WDR76: variants seen among roughly 807,000 people sequenced by gnomAD.
WDR76 encodes WD repeat domain 76, also known as WD repeat-containing protein 76.
A neutral mutation model predicts 70.2 loss-of-function variants in WDR76; 52 were observed. The observed-to-expected ratio is 0.74, with a 90% CI of 0.59 to 0.93. WDR76 has a LOEUF of 0.93. Among genes scored for constraint, WDR76 ranks in the 40% least tolerant of loss-of-function variants. WDR76 has a pLI of 0.00. For missense variants in WDR76, 756 were observed against 760.2 expected (o/e 0.99, Z 0.07); for synonymous variants, 292 against 271.1 (o/e 1.08, Z -0.76).
intron 3 of WDR76, 39 bp from the exon 4 acceptor site, chr15:43,836,122 G>T (rs192487239): frequency 1.1e-5 from 18 of 1,573,850 alleles, no homozygotes; most frequent in Admixed American, 1.8e-5. Context: ...GGTAAGATAC[G>T]TAGTTATAAC....
intron 12 of WDR76, 74 bp from the exon 13 acceptor site, chr15:43,866,054 C>A: frequency 6.5e-7 from 1 of 1,532,332 alleles, no homozygotes; most frequent in Non-Finnish European, 8.8e-7. Context: ...GGAGCAATGC[C>A]GTCTTTACCC....
At chr15:43,846,362 T>C (rs2087788568) in intron 8 of WDR76, among the ~76,000 whole-genome samples, 1 of 148,798 alleles carries the variant, frequency 6.7e-6, no homozygotes, top group East Asian at 1.9e-4. Flanking sequence ...CATAGCTCAC[T>C]GCAGCCTCAA....
At chr15:43,864,368 CCAA>C (rs1220751631) in intron 12 of WDR76, among the ~76,000 whole-genome samples, 1 of 152,130 alleles carries the variant, frequency 6.6e-6, no homozygotes, top group Admixed American at 6.6e-5. Context: ...TACATTTCCA[CCAA>C]CAATGTACAA....
Position 43,860,910 on chromosome 15 carries a change from C to CTTTT in WDR76, c.1563-400_1563-397dup, listed in dbSNP as rs34504509. 3.3e-3 allele frequency among the ~76,000 whole-genome samples: 259 copies of CTTTT among 79,022 alleles called. 44 individuals carry two copies. Among genetic ancestry groups the CTTTT allele is most frequent in the African/African-American group, 0.013 (225 of 17,438 alleles). The allele number at this position is 79,022 out of a possible 152,430, so 51.8% of individuals were successfully genotyped here. ...AGATTTGTTAGCGCCTGATCTTACT[C>CTTTT]TTTTTTTTTTTTTTTTTTTTTTTTT... is the stretch of plus-strand genomic sequence containing the variant. On this transcript the variant is annotated intron_variant, in intron 11 of 12. Coordinates refer to ENST00000263795, the MANE Select transcript of WDR76 (RefSeq NM_024908.4).
intron 8 of WDR76, among the ~76,000 whole-genome samples, chr15:43,849,995 T>C (rs2087836521): frequency 6.6e-6 from 1 of 152,126 alleles, no homozygotes; most frequent in African/African-American, 2.4e-5. Context: ...ATTATAATAA[T>C]TTTTTCTCTT....
chr15:43,849,686 T>G (rs1331196882), intron 8 of WDR76, among the ~76,000 whole-genome samples: 3 of 152,226 alleles, frequency 2.0e-5, no homozygotes, highest in Admixed American at 2.0e-4. Context: ...TACAGGTGTC[T>G]GCCACCACGC....
intron 10 of WDR76, among the ~76,000 whole-genome samples, chr15:43,857,961 CTT>C (rs397854561): frequency 0.018 from 1,681 of 95,558 alleles, 16 homozygotes; most frequent in East Asian, 0.058. Flanking sequence ...AGGGTTCTGT[CTT>C]TTTTTTTTTT....
chr15:43,828,254 A>G lies in WDR76; in HGVS notation c.350A>G (p.His117Arg). 1.2e-6 allele frequency: 2 copies of G among 1,614,232 alleles called. No homozygotes were observed. Among genetic ancestry groups the G allele is most frequent in the Non-Finnish European group, 1.7e-6 (2 of 1,180,038 alleles). ...CTGCAAAATTCATCCTCAGCTGTTC[A>G]TACTGAAAGTAACAAGCTACAACCC... ...STLQNSSSAV[H>R]TESNKLQPKR... Residue 117 changes from histidine (H) to arginine (R), a missense_variant, in exon 2 of 13, where the codon CAT becomes CGT. His to Arg is a conservative substitution (Grantham distance 29). Coordinates refer to ENST00000263795, the MANE Select transcript of WDR76 (RefSeq NM_024908.4).
chr15:43,862,281 T>C (rs919765913), intron 12 of WDR76, among the ~76,000 whole-genome samples: 95 of 145,844 alleles, frequency 6.5e-4, no homozygotes, highest in Admixed American at 1.0e-3. Context: ...AGTTTCTTTT[T>C]TTTTTTTTTT....
At position 43,845,405 on chromosome 15, in the gene WDR76, TATAAA is replaced by T. The variant is rs1445640651; in HGVS notation, c.1032+1353_1032+1357del. Among the ~76,000 whole-genome samples the T allele has an allele frequency of 6.7e-5, 10 of 150,268 alleles. 1 individual carries two copies. The highest frequency in any genetic ancestry group is 1.7e-4 in the African/African-American group (7 of 41,420). On this transcript the variant is annotated intron_variant, in intron 8 of 12. Transcript: ENST00000263795. ...AGGTCATGAATAAGATTAGTGCCCT[TATAAA>T]AGAAACCCAGGAGAGACCACTGTCC...
rs116278974 is a variant in WDR76, at chr15:43,866,417, T to G, written c.*25T>G. The G allele has an allele frequency of 1.7e-5, 28 of 1,610,630 alleles. No individual in the cohort carries two copies. Among genetic ancestry groups the G allele is most frequent in the African/African-American group, 4.0e-5 (3 of 74,804 alleles). Reference sequence around the variant, plus strand: ...AGTTTTTGGTTTAGGAACATCAATTTGTTCAAATTGACCACTGTCTAAGGA... The same window carrying G: ...AGTTTTTGGTTTAGGAACATCAATTGGTTCAAATTGACCACTGTCTAAGGA... On this transcript the variant is annotated 3_prime_UTR_variant, in exon 13 of 13. Transcript: ENST00000263795.
chr15:43,837,343 A>G (rs905656041), intron 4 of WDR76, among the ~76,000 whole-genome samples: 4 of 152,212 alleles, frequency 2.6e-5, no homozygotes, highest in Non-Finnish European at 5.9e-5. Flanking sequence ...AAAAGTTACT[A>G]TAAGAGGAAC....
intron 9 of WDR76, among the ~76,000 whole-genome samples, chr15:43,855,215 C>G (rs902044575): frequency 6.6e-6 from 1 of 152,210 alleles, no homozygotes; most frequent in Non-Finnish European, 1.5e-5. Flanking sequence ...ACTGACTAAA[C>G]AGTTACCTTA....
chr15:43,847,827 G>A (rs748425394), intron 8 of WDR76, among the ~76,000 whole-genome samples: 3 of 152,124 alleles, frequency 2.0e-5, no homozygotes, highest in Admixed American at 2.0e-4. Flanking sequence ...CCAGAGCTGC[G>A]ATTACAGGCG....
rs901017436 is a variant in WDR76, at chr15:43,868,356, G to A, written c.*1964G>A. On this transcript the variant is annotated 3_prime_UTR_variant, in exon 13 of 13. Transcript: ENST00000263795. ...CAATCAAATTAGTACCATCATTTAA[G>A]CTTTGAATACTTGGCAGTAATTGCC... 6.6e-5 allele frequency: 10 copies of A among 152,108 alleles called. No individual in the cohort carries two copies. Among genetic ancestry groups the A allele is most frequent in the African/African-American group, 2.4e-4 (10 of 41,420 alleles). The allele number at this position is 152,108 out of a possible 1,614,324, so 9.4% of individuals were successfully genotyped here. A position where few individuals can be genotyped will look rare whatever the true frequency, so the allele number is the denominator to read the frequency against.
chr15:43,834,492 A>G (rs1346279262), intron 2 of WDR76, among the ~76,000 whole-genome samples: 10 of 131,858 alleles, frequency 7.6e-5, no homozygotes, highest in Admixed American at 4.6e-4. Flanking sequence ...TTGTATTTTT[A>G]GTTGAGACAG....
At position 43,833,591 on chromosome 15, in the gene WDR76, T is replaced by C. The variant is rs548382611; in HGVS notation, c.463-1470T>C. ...GCCTCTGCCTCCCAAAGTGCTGGGA[T>C]TACAGGCGTGAGCCACTGCTCCCAG... On this transcript the variant is annotated intron_variant, in intron 2 of 12. Coordinates refer to ENST00000263795, the MANE Select transcript of WDR76 (RefSeq NM_024908.4). Among the ~76,000 whole-genome samples, 6 of 151,986 alleles carry C rather than the reference T, an allele frequency of 3.9e-5. No homozygotes were observed. The South Asian group carries it at 1.2e-3, about 32-fold the overall frequency.
At chr15:43,835,977 C>T (rs754431794) in intron 3 of WDR76, among the ~76,000 whole-genome samples, 184 bp from the exon 4 acceptor site, 1 of 149,730 alleles carries the variant, frequency 6.7e-6, no homozygotes, top group Non-Finnish European at 1.5e-5. Flanking sequence ...TTTTTTGAGA[C>T]AGGGTCTCGC....
intron 2 of WDR76, among the ~76,000 whole-genome samples, chr15:43,833,732 G>A (rs935697777): frequency 2.0e-5 from 3 of 151,892 alleles, no homozygotes; most frequent in African/African-American, 7.3e-5. Flanking sequence ...CATCTCCCGG[G>A]TTCAAGCAAT....
Sources: gnomAD v4.1 joint callset for allele counts (sites outside exome capture counted in the v4.1 genomes callset) on GRCh38, gnomAD v4.1.1 for gene constraint, MANE v1.5 for transcripts, NCBI Gene and HGNC (gene_info 2026-07-23, HGNC 2026-07-21) for gene names.